Variants in MN1 observed in about 807,000 individuals in gnomAD.
MN1 encodes MN1 proto-oncogene, transcriptional regulator.
MN1 carries 19 observed loss-of-function variants against 86.9 expected under a neutral mutation model. That is an observed-to-expected ratio of 0.22 (90% CI 0.15 to 0.32). MN1 has a LOEUF of 0.32. Ranked by LOEUF, MN1 falls within the 10% of genes least tolerant of loss-of-function variation. The pLI is 1.00. For missense variants in MN1, 1,841 were observed against 1,862.0 expected (o/e 0.99, Z 0.21); for synonymous variants, 928 against 849.6 (o/e 1.09, Z -1.60).
At position 27,797,961 on chromosome 22, in the gene MN1, G is replaced by T; in HGVS notation, c.2583C>A (p.Ser861Arg). ...CTGCCGCGCCGTCGGTCTCGTTCTGGCTCAGTTTCCTCTTGCCCTCTGGCG... is the reference window on the plus strand; with the variant it reads ...CTGCCGCGCCGTCGGTCTCGTTCTGTCTCAGTTTCCTCTTGCCCTCTGGCG... ...KNPPEGKRKL[S>R]QNETDGAAVA... The change falls in exon 1 of 2, where the codon AGC becomes AGA. Residue 861 changes from serine (S) to arginine (R), a missense_variant. Physicochemically the swap from Ser to Arg is moderately radical, Grantham distance 110. Coordinates refer to ENST00000302326, the MANE Select transcript of MN1 (RefSeq NM_002430.3). The T allele has an allele frequency of 1.3e-6, 2 of 1,594,598 alleles. No homozygotes were observed. The highest frequency in any genetic ancestry group is 2.3e-5 in the South Asian group (2 of 88,704).
Position 27,798,506 on chromosome 22 carries a change from G to T in MN1, c.2038C>A (p.Leu680Met). 1 of 1,541,364 alleles carries T rather than the reference G, an allele frequency of 6.5e-7. No homozygotes were observed. Among genetic ancestry groups the T allele is most frequent in the Non-Finnish European group, 8.7e-7 (1 of 1,154,836 alleles). The change falls in exon 1 of 2, where the codon CTG becomes ATG. Residue 680 changes from leucine (L) to methionine (M), a missense_variant. By Grantham distance (15) the Leu-to-Met change is conservative. Coordinates refer to ENST00000302326, the MANE Select transcript of MN1 (RefSeq NM_002430.3). ...GGSGVLFRGP[L>M]QEPMRMPGEG... Reference sequence around the variant, plus strand: ...CCGGGCATCCTCATCGGCTCCTGCAGAGGGCCCCGGAACAGCACCCCCGAG... The same window carrying T: ...CCGGGCATCCTCATCGGCTCCTGCATAGGGCCCCGGAACAGCACCCCCGAG...
Position 27,788,364 on chromosome 22 carries a change from C to T in MN1, c.3781+8399G>A, listed in dbSNP as rs8142356. On this transcript the variant is annotated intron_variant, in intron 1 of 1. Coordinates refer to ENST00000302326, the MANE Select transcript of MN1 (RefSeq NM_002430.3). ...TGCAAGGACGCTTTCAAACAGCACA[C>T]AGGGACCAGGAAGAACCCACTAACT... 7.5e-3 allele frequency among the ~76,000 whole-genome samples: 1,135 copies of T among 152,280 alleles called. 21 individuals are homozygous for T. The highest frequency in any genetic ancestry group is 0.025 in the African/African-American group (1,043 of 41,546).
chr22:27,795,185 G>A (rs938035225), intron 1 of MN1, among the ~76,000 whole-genome samples: 2 of 152,160 alleles, frequency 1.3e-5, no homozygotes, highest in East Asian at 1.9e-4. Flanking sequence ...CTAAACACCC[G>A]GCTTCAAATG....
intron 1 of MN1, among the ~76,000 whole-genome samples, chr22:27,754,416 C>A (rs1932789304): frequency 6.6e-6 from 1 of 152,210 alleles, no homozygotes; most frequent in Admixed American, 6.5e-5. Flanking sequence ...CCAGCAGGGC[C>A]ACCCTGGGCT....
chr22:27,753,235 A>G (rs1018776786), intron 1 of MN1, among the ~76,000 whole-genome samples: 19 of 152,204 alleles, frequency 1.2e-4, no homozygotes, highest in Admixed American at 1.0e-3. Context: ...CTAGCATGGA[A>G]TAGGACAGAC....
intron 1 of MN1, among the ~76,000 whole-genome samples, chr22:27,789,588 A>G (rs1933184299): frequency 6.6e-6 from 1 of 152,220 alleles, no homozygotes; most frequent in Non-Finnish European, 1.5e-5. Flanking sequence ...ATTTCCCTCA[A>G]CAATGTGAGT....
In MN1 at chr22:27,797,474, G is replaced by T; in HGVS notation, c.3070C>A (p.Leu1024Ile). ...GCCCCGCCGTCCAGGGACCCAATGAGGTCCGGCTGATCCCCCAGGAGCAAC... is the reference window on the plus strand; with the variant it reads ...GCCCCGCCGTCCAGGGACCCAATGATGTCCGGCTGATCCCCCAGGAGCAAC... ...AELLLGDQPD[L>I]IGSLDGGAKS... The change falls in exon 1 of 2, where the codon CTC becomes ATC. Residue 1024 changes from leucine (L) to isoleucine (I), a missense_variant. Leu to Ile is a conservative substitution (Grantham distance 5, BLOSUM62 2). Coordinates refer to ENST00000302326, the MANE Select transcript of MN1 (RefSeq NM_002430.3). 1.9e-6 allele frequency: 3 copies of T among 1,598,134 alleles called. No homozygotes were observed. In the South Asian group the frequency reaches 3.4e-5, roughly 18 times the overall value.
intron 1 of MN1, among the ~76,000 whole-genome samples, chr22:27,751,721 G>GAA (rs1932766456): frequency 6.6e-6 from 1 of 152,176 alleles, no homozygotes; most frequent in African/African-American, 2.4e-5. Context: ...TCACACAGGA[G>GAA]AAAGTGTGGA....
chr22:27,765,035 A>C (rs1293062860), intron 1 of MN1, among the ~76,000 whole-genome samples: 5 of 152,232 alleles, frequency 3.3e-5, no homozygotes, highest in Non-Finnish European at 1.5e-5. Flanking sequence ...ATGGTTAAAC[A>C]AATATCTGGG....
chr22:27,787,249 C>A (rs1228234140), intron 1 of MN1, among the ~76,000 whole-genome samples: 2 of 152,204 alleles, frequency 1.3e-5, no homozygotes, highest in Non-Finnish European at 2.9e-5. Flanking sequence ...TGAAATTGCT[C>A]CTGTTCTAAA....
intron 1 of MN1, among the ~76,000 whole-genome samples, chr22:27,756,407 G>A (rs1251761717): frequency 2.0e-5 from 3 of 152,054 alleles, no homozygotes; most frequent in Non-Finnish European, 2.9e-5. Context: ...CACCTCCCAC[G>A]CCAGGCAAAG....
Position 27,798,237 on chromosome 22 carries a change from C to A in MN1, c.2307G>T (p.Ala769=). The A allele has an allele frequency of 1.3e-6, 2 of 1,517,538 alleles. No individual in the cohort carries two copies. Among genetic ancestry groups the A allele is most frequent in the South Asian group, 1.2e-5 (1 of 80,102 alleles). 94.0% of individuals were successfully genotyped at this position (1,517,538 alleles called of 1,614,324 possible). The change falls in exon 1 of 2, where the codon GCG becomes GCT. Residue 769 remains alanine, a synonymous_variant. Coordinates refer to ENST00000302326, the MANE Select transcript of MN1 (RefSeq NM_002430.3). ...SGPGVNSPPS[A]GGGGGSSGGG... Reference sequence around the variant, plus strand: ...CACCAGAGCTGCCACCGCCCCCTCCCGCGCTGGGGGGCGAGTTCACGCCTG... The same window carrying A: ...CACCAGAGCTGCCACCGCCCCCTCCAGCGCTGGGGGGCGAGTTCACGCCTG...
chr22:27,766,825 C>T lies in MN1; in HGVS notation c.3782-15729G>A, dbSNP rs45495996. 2.0e-3 allele frequency among the ~76,000 whole-genome samples: 309 copies of T among 152,286 alleles called. 1 individual carries two copies. Among genetic ancestry groups the T allele is most frequent in the African/African-American group, 7.1e-3 (296 of 41,550 alleles). ...CAAAGCCAGCACCAGACCCCCTCCT[C>T]GTCCCGAAGGCTTCACCATGGAGTT... is the stretch of plus-strand genomic sequence containing the variant. On this transcript the variant is annotated intron_variant, in intron 1 of 1. Coordinates refer to ENST00000302326, the MANE Select transcript of MN1 (RefSeq NM_002430.3).
At chr22:27,774,379 G>A (rs1932949847) in intron 1 of MN1, among the ~76,000 whole-genome samples, 1 of 152,170 alleles carries the variant, frequency 6.6e-6, no homozygotes, top group East Asian at 1.9e-4. Flanking sequence ...TGAAGAAGCT[G>A]GCATTTCCTC....
intron 1 of MN1, among the ~76,000 whole-genome samples, chr22:27,767,787 GA>G (rs906697232): frequency 6.6e-6 from 1 of 151,846 alleles, no homozygotes; most frequent in Non-Finnish European, 1.5e-5. Context: ...GGGGGGTTTT[GA>G]CAAAAAGAAA....
At chr22:27,781,587 T>C (rs1933054649) in intron 1 of MN1, among the ~76,000 whole-genome samples, 1 of 152,104 alleles carries the variant, frequency 6.6e-6, no homozygotes, top group African/African-American at 2.4e-5. Context: ...GAGTCCCACA[T>C]GGGAACAGAA....
chr22:27,788,395 GCAAATTCTCAAC>G (rs1933166201), intron 1 of MN1, among the ~76,000 whole-genome samples: 2 of 152,136 alleles, frequency 1.3e-5, no homozygotes, highest in Non-Finnish European at 2.9e-5. Flanking sequence ...TAACTTCTCA[GCAAATTCTCAAC>G]CAACCCCTGC....
chr22:27,778,042 C>T (rs1933002755), intron 1 of MN1, among the ~76,000 whole-genome samples: 1 of 152,036 alleles, frequency 6.6e-6, no homozygotes, highest in Non-Finnish European at 1.5e-5. Context: ...TGGTAACTGC[C>T]CGTGGAGAAC....
At chr22:27,767,231 GAGAA>G (rs796508039) in intron 1 of MN1, among the ~76,000 whole-genome samples, 6 of 152,204 alleles carry the variant, frequency 3.9e-5, no homozygotes, top group African/African-American at 1.4e-4. Flanking sequence ...TCCCTAAAAT[GAGAA>G]AGACTCACAC....
Sources: gnomAD v4.1 joint callset for allele counts (sites outside exome capture counted in the v4.1 genomes callset) on GRCh38, gnomAD v4.1.1 for gene constraint, MANE v1.5 for transcripts, NCBI Gene and HGNC (gene_info 2026-07-23, HGNC 2026-07-21) for gene names.